SLC35G2: variants seen among roughly 807,000 people sequenced by gnomAD.
The protein encoded by SLC35G2 is transmembrane protein 22.
A neutral mutation model predicts 27.2 loss-of-function variants in SLC35G2; 20 were observed. The observed-to-expected ratio is 0.74, with a 90% CI of 0.52 to 1.07. The LOEUF (loss-of-function observed/expected upper bound fraction) is 1.07. SLC35G2 is among the 50% of genes least tolerant of loss of function. The pLI is 0.00. For synonymous variants in SLC35G2, 148 were observed against 165.3 expected (o/e 0.90, Z 0.80); for missense variants, 416 against 493.3 (o/e 0.84, Z 1.48).
At chr3:136,829,925 T>A (rs1307986467) in intron 1 of SLC35G2, among the ~76,000 whole-genome samples, 1 of 152,086 alleles carries the variant, frequency 6.6e-6, no homozygotes, top group Non-Finnish European at 1.5e-5. Context: ...CTGCTTGGTG[T>A]TCTATAGCCT....
chr3:136,838,166 A>C (rs1936930674), intron 1 of SLC35G2: 1 of 151,682 alleles, frequency 6.6e-6, no homozygotes, highest in East Asian at 1.9e-4. Context: ...GGTGAATTAC[A>C]GTATGTATAT....
chr3:136,836,737 G>C (rs1936882074), intron 1 of SLC35G2, among the ~76,000 whole-genome samples: 1 of 152,042 alleles, frequency 6.6e-6, no homozygotes, highest in Non-Finnish European at 1.5e-5. Flanking sequence ...TCAGGGACCA[G>C]ACAGCCAGCA....
intron 1 of SLC35G2, among the ~76,000 whole-genome samples, chr3:136,826,882 C>T (rs1936598339): frequency 6.6e-6 from 1 of 151,818 alleles, no homozygotes; most frequent in Non-Finnish European, 1.5e-5. Flanking sequence ...CAAGTGCCTG[C>T]CTCACCCTCC....
intron 1 of SLC35G2, among the ~76,000 whole-genome samples, chr3:136,839,673 CTTAT>C (rs1026197236): frequency 3.9e-5 from 6 of 152,146 alleles, no homozygotes; most frequent in Non-Finnish European, 1.5e-5. Context: ...ACCTTCTGCT[CTTAT>C]TTATTTCTTT....
intron 1 of SLC35G2, among the ~76,000 whole-genome samples, chr3:136,828,437 A>C (rs1576888101): frequency 1.3e-5 from 2 of 152,314 alleles, no homozygotes; most frequent in East Asian, 3.9e-4. Context: ...ATATTTATTT[A>C]TAGTTGTTAT....
intron 1 of SLC35G2, among the ~76,000 whole-genome samples, chr3:136,821,362 C>T (rs192802514): frequency 1.4e-3 from 219 of 151,798 alleles, no homozygotes; most frequent in African/African-American, 5.2e-3. Flanking sequence ...TTAAACAATC[C>T]CATAATGAAC....
At chr3:136,820,763 A>G (rs1226605933) in intron 1 of SLC35G2, among the ~76,000 whole-genome samples, 1 of 152,194 alleles carries the variant, frequency 6.6e-6, no homozygotes, top group Non-Finnish European at 1.5e-5. Context: ...CTGCAGAGCC[A>G]TTTATTTTCA....
intron 1 of SLC35G2, chr3:136,843,278 G>A (rs1287658948): frequency 2.2e-5 from 3 of 136,956 alleles, no homozygotes; most frequent in East Asian, 4.6e-4. Flanking sequence ...AGCCGAGATC[G>A]CGCCACTGCA....
chr3:136,834,531 T>C (rs1029294666), intron 1 of SLC35G2, among the ~76,000 whole-genome samples: 4 of 152,244 alleles, frequency 2.6e-5, no homozygotes, highest in African/African-American at 9.6e-5. Flanking sequence ...AATTTCACCA[T>C]GTTGGCCAGG....
intron 1 of SLC35G2, among the ~76,000 whole-genome samples, chr3:136,852,342 G>A (rs1937689642): frequency 6.6e-6 from 1 of 152,020 alleles, no homozygotes; most frequent in South Asian, 2.1e-4. Context: ...AAAGAAAGGA[G>A]TAAATAGGAA....
chr3:136,852,347 T>C (rs4678448), intron 1 of SLC35G2, among the ~76,000 whole-genome samples: 103,383 of 151,776 alleles, frequency 0.68, 35,467 homozygotes, highest in East Asian at 0.87. Context: ...AAGGAGTAAA[T>C]AGGAATAGAA....
rs1050882286 is a variant in SLC35G2, at chr3:136,842,497, G to A, written c.-18-11946G>A. 3 of 152,336 alleles carry A rather than the reference G, an allele frequency of 2.0e-5. No homozygotes were observed. The East Asian group carries it at 5.8e-4, about 29-fold the overall frequency. The allele number at this position is 152,336 out of a possible 1,614,324, so 9.4% of individuals were successfully genotyped here. ...ACCCTGGGGCCAGTATAGAGTTCAA[G>A]GGCAGACCAGACTGGGGGAGGGGTT... On this transcript the variant is annotated intron_variant, in intron 1 of 1. Transcript: ENST00000446465.
At chr3:136,828,796 T>A (rs1218780485) in intron 1 of SLC35G2, among the ~76,000 whole-genome samples, 1 of 152,196 alleles carries the variant, frequency 6.6e-6, no homozygotes, top group East Asian at 1.9e-4. Flanking sequence ...GGTTGTTTTG[T>A]GGTCTTCTCT....
chr3:136,825,473 A>G (rs1375753049), intron 1 of SLC35G2, among the ~76,000 whole-genome samples: 2 of 151,684 alleles, frequency 1.3e-5, no homozygotes, highest in East Asian at 3.9e-4. Context: ...AAACTCCTGG[A>G]CTCAAGTGAC....
At position 136,819,818 on chromosome 3, in the gene SLC35G2, C is replaced by A. The variant is rs1936400411; in HGVS notation, c.-19+190C>A. ...ATCGACGGTTTGTAGACATCTTTTC[C>A]CAAGGGAAGACGAGGGCAAGGGTTA... On this transcript the variant is annotated intron_variant, in intron 1 of 1. Transcript: ENST00000446465. 4 of 152,298 alleles carry A rather than the reference C, an allele frequency of 2.6e-5. No homozygotes were observed. In the South Asian group the frequency reaches 8.3e-4, roughly 32 times the overall value. The allele number at this position is 152,298 out of a possible 1,614,324, so 9.4% of individuals were successfully genotyped here. A position where few individuals can be genotyped will look rare whatever the true frequency, so the allele number is the denominator to read the frequency against.
At chr3:136,820,450 T>G (rs1936426924) in intron 1 of SLC35G2, 1 of 152,322 alleles carries the variant, frequency 6.6e-6, no homozygotes, top group South Asian at 2.1e-4. Flanking sequence ...TGAAACTCTT[T>G]TCAGACAAGT....
chr3:136,839,293 T>G (rs9833232), intron 1 of SLC35G2, among the ~76,000 whole-genome samples: 6,017 of 152,340 alleles, frequency 0.039, 165 homozygotes, highest in South Asian at 0.069. Context: ...TCTAGCAAGT[T>G]CTTAGCTGCC....
chr3:136,845,963 G>A (rs1937358642), intron 1 of SLC35G2, among the ~76,000 whole-genome samples: 1 of 152,048 alleles, frequency 6.6e-6, no homozygotes, highest in South Asian at 2.1e-4. Context: ...TATTCTGGAT[G>A]TTTCTGTGAG....
chr3:136,841,847 A>G (rs1937113510), intron 1 of SLC35G2: 1 of 152,174 alleles, frequency 6.6e-6, no homozygotes, highest in African/African-American at 2.4e-5. Flanking sequence ...ACCATCAGAC[A>G]GCCATGTCCA....
Sources: gnomAD v4.1 joint callset for allele counts (sites outside exome capture counted in the v4.1 genomes callset) on GRCh38, gnomAD v4.1.1 for gene constraint, MANE v1.5 for transcripts, NCBI Gene and HGNC (gene_info 2026-07-23, HGNC 2026-07-21) for gene names.